Variants in PDE7A observed in about 807,000 individuals in gnomAD.
PDE7A encodes phosphodiesterase 7A, also known as high affinity 3',5'-cyclic-AMP phosphodiesterase 7A.
PDE7A carries 39 observed loss-of-function variants against 64.3 expected under a neutral mutation model. That is an observed-to-expected ratio of 0.61 (90% CI 0.47 to 0.79). The LOEUF is 0.79. Ranked by LOEUF, PDE7A falls within the 30% of genes least tolerant of loss-of-function variation. The pLI, the probability that PDE7A is intolerant of heterozygous loss-of-function variation, is 0.00. For missense variants in PDE7A, 470 were observed against 582.8 expected (o/e 0.81, Z 1.99); for synonymous variants, 203 against 206.8 (o/e 0.98, Z 0.16).
chr8:65,834,960 G>GA (rs1810918269), intron 1 of PDE7A, among the ~76,000 whole-genome samples: 1 of 152,090 alleles, frequency 6.6e-6, no homozygotes, highest in Admixed American at 6.5e-5. Flanking sequence ...AACACTACCT[G>GA]AATGCAAATA....
At chr8:65,798,206 A>ATATATATATATATATATT in intron 1 of PDE7A, among the ~76,000 whole-genome samples, 13 of 73,796 alleles carry the variant, frequency 1.8e-4, no homozygotes, top group African/African-American at 4.7e-4. Flanking sequence ...ATATATATAT[A>ATATATATATATATATATT]TTTTTTTTTT....
At position 65,805,354 on chromosome 8, in the gene PDE7A, A is replaced by G. The variant is rs76617024; in HGVS notation, c.139-22511T>C. On this transcript the variant is annotated intron_variant, in intron 1 of 12. Coordinates refer to ENST00000401827, the MANE Select transcript of PDE7A (RefSeq NM_001242318.3). ...GACTCATGTTCACTGAAAAGTTTCT[A>G]AAGTGTTGAGCAGAAAACAATTTTC... Among the ~76,000 whole-genome samples the G allele has an allele frequency of 9.3e-3, 1,421 of 152,320 alleles. 10 individuals are homozygous for G. Among genetic ancestry groups the G allele is most frequent in the East Asian group, 0.045 (232 of 5,180 alleles).
At chr8:65,773,978 C>T (rs1809185561) in intron 3 of PDE7A, among the ~76,000 whole-genome samples, 1 of 152,156 alleles carries the variant, frequency 6.6e-6, no homozygotes. Context: ...TTACTGATTT[C>T]CTTACCCACA....
chr8:65,787,583 GT>G (rs769813520), intron 1 of PDE7A, among the ~76,000 whole-genome samples: 4 of 151,904 alleles, frequency 2.6e-5, no homozygotes, highest in African/African-American at 9.7e-5. Context: ...TTTTTCAACA[GT>G]TTTTTTAAAA....
chr8:65,749,340 CT>C (rs1318078665), intron 3 of PDE7A, among the ~76,000 whole-genome samples: 1 of 152,114 alleles, frequency 6.6e-6, no homozygotes, highest in Non-Finnish European at 1.5e-5. Context: ...CTGATGAACT[CT>C]GAGGTTCCCA....
intron 1 of PDE7A, among the ~76,000 whole-genome samples, chr8:65,832,339 T>C (rs1810847848): frequency 1.3e-5 from 2 of 152,238 alleles, no homozygotes; most frequent in Non-Finnish European, 2.9e-5. Context: ...TTGTAAATTA[T>C]GTTTTCAATT....
At chr8:65,779,573 T>C (rs1809351450) in intron 3 of PDE7A, 147 bp downstream of exon 3, 1 of 475,582 alleles carries the variant, frequency 2.1e-6, no homozygotes, top group South Asian at 4.0e-5. Context: ...TACCTAGAAA[T>C]AGTGTCATTT....
At chr8:65,833,422 T>C (rs1292866915) in intron 1 of PDE7A, among the ~76,000 whole-genome samples, 1 of 152,216 alleles carries the variant, frequency 6.6e-6, no homozygotes, top group Non-Finnish European at 1.5e-5. Context: ...ATCAGTCAAA[T>C]GTGTTTTCCT....
At chr8:65,789,976 G>A (rs745765268) in intron 1 of PDE7A, among the ~76,000 whole-genome samples, 7 of 152,218 alleles carry the variant, frequency 4.6e-5, no homozygotes, top group African/African-American at 9.6e-5. Flanking sequence ...TGAAGCAGAC[G>A]TAGGAAACGC....
At chr8:65,754,256 A>C (rs1390827916) in intron 3 of PDE7A, among the ~76,000 whole-genome samples, 1 of 151,956 alleles carries the variant, frequency 6.6e-6, no homozygotes, top group East Asian at 1.9e-4. Flanking sequence ...CCCCCGCCCC[A>C]AGATTGAGGG....
intron 1 of PDE7A, among the ~76,000 whole-genome samples, chr8:65,813,628 TAGACTA>T (rs1458112378): frequency 1.3e-5 from 2 of 152,244 alleles, no homozygotes; most frequent in South Asian, 2.1e-4. Flanking sequence ...GCAAAATTCT[TAGACTA>T]AAAGAATGAA....
chr8:65,820,837 G>A (rs916736566), intron 1 of PDE7A, among the ~76,000 whole-genome samples: 2 of 152,126 alleles, frequency 1.3e-5, no homozygotes, highest in African/African-American at 2.4e-5. Flanking sequence ...TGATCCACCC[G>A]CCTCAGCCTC....
At chr8:65,808,581 T>C (rs1430435440) in intron 1 of PDE7A, among the ~76,000 whole-genome samples, 1 of 152,218 alleles carries the variant, frequency 6.6e-6, no homozygotes, top group African/African-American at 2.4e-5. Flanking sequence ...GTTCACAATG[T>C]TATTATCTCT....
At chr8:65,736,507 C>T (rs905359913) in intron 6 of PDE7A, among the ~76,000 whole-genome samples, 1 of 152,158 alleles carries the variant, frequency 6.6e-6, no homozygotes, top group African/African-American at 2.4e-5. Flanking sequence ...AATTCCAGCA[C>T]TTTGGGAGGC....
chr8:65,719,876 A>T (rs1308655336), intron 12 of PDE7A: 2 of 246,854 alleles, frequency 8.1e-6, no homozygotes, highest in Non-Finnish European at 1.6e-5. Context: ...GAGGCTAAGA[A>T]GGGGTCTCCT....
rs1806193538 is a variant in PDE7A at position 65,717,566 on chromosome 8, T to G, written c.*1724A>C. The G allele has an allele frequency of 1.3e-5, 2 of 152,228 alleles. No homozygotes were observed. The highest frequency in any genetic ancestry group is 6.5e-5 in the Admixed American group (1 of 15,278). 9.4% of individuals were successfully genotyped at this position (152,228 alleles called of 1,614,324 possible). Reference sequence around the variant, plus strand: ...GAGTCATTAGTAGATAAGCTCGGACTGAGTAAACATCTGAGGGATGAATTA... The same window carrying G: ...GAGTCATTAGTAGATAAGCTCGGACGGAGTAAACATCTGAGGGATGAATTA... On this transcript the variant is annotated 3_prime_UTR_variant, in exon 13 of 13. Coordinates refer to ENST00000401827, the MANE Select transcript of PDE7A (RefSeq NM_001242318.3).
intron 1 of PDE7A, among the ~76,000 whole-genome samples, chr8:65,828,507 A>C (rs942439515): frequency 6.6e-6 from 1 of 152,184 alleles, no homozygotes; most frequent in Non-Finnish European, 1.5e-5. Flanking sequence ...CACTGAAATG[A>C]ATTAAAATAT....
rs569589256 is a variant in PDE7A at position 65,810,926 on chromosome 8, A to C, written c.139-28083T>G. 2.0e-5 allele frequency among the ~76,000 whole-genome samples: 3 copies of C among 152,194 alleles called. No homozygotes were observed. The South Asian group carries it at 6.2e-4, about 31-fold the overall frequency. On this transcript the variant is annotated intron_variant, in intron 1 of 12. Transcript: ENST00000401827. The stretch of plus-strand genomic sequence containing the variant: ...AACTGATTTACAAAATTAATTCAAA[A>C]ATTATTATAGTTTGCCCACATACAA...
chr8:65,824,801 G>A (rs1008403409), intron 1 of PDE7A, among the ~76,000 whole-genome samples: 9 of 152,110 alleles, frequency 5.9e-5, no homozygotes, highest in Admixed American at 4.6e-4. Flanking sequence ...ACAGTACAGC[G>A]CAAACATAAC....
Sources: allele counts gnomAD v4.1 joint callset (sites outside exome capture counted in the v4.1 genomes callset), GRCh38; gene constraint gnomAD v4.1.1; transcripts MANE v1.5; gene names NCBI Gene and HGNC (gene_info 2026-07-23, HGNC 2026-07-21).